Variants in MAPK10 observed in about 807,000 individuals in gnomAD.
The protein encoded by MAPK10 is mitogen-activated protein kinase 10, also known as JNK3 alpha protein kinase.
In MAPK10, 25 loss-of-function variants were observed where a neutral mutation model predicts 59.3. That is an observed-to-expected ratio of 0.42 (90% CI 0.31 to 0.59). The LOEUF is 0.59. Ranked by LOEUF, MAPK10 falls within the 20% of genes least tolerant of loss-of-function variation. The pLI is 0.15. For synonymous variants in MAPK10, 190 were observed against 200.5 expected (o/e 0.95, Z 0.44); for missense variants, 351 against 568.9 (o/e 0.62, Z 3.90).
intron 4 of MAPK10, chr4:86,127,786 C>T (rs1171551305): frequency 6.6e-6 from 1 of 152,068 alleles, no homozygotes; most frequent in Non-Finnish European, 1.5e-5. Flanking sequence ...ACTGCATTTT[C>T]TTCCACCAGT....
chr4:86,260,117 C>T (rs2093927094), intron 2 of MAPK10, among the ~76,000 whole-genome samples: 1 of 152,026 alleles, frequency 6.6e-6, no homozygotes. Flanking sequence ...CAAGCACTAT[C>T]ATTTTCCCCA....
Position 86,224,398 on chromosome 4 carries a change from T to C in MAPK10, c.-6-29991A>G, listed in dbSNP as rs185126159. 7.2e-5 allele frequency among the ~76,000 whole-genome samples: 11 copies of C among 152,310 alleles called. No homozygotes were observed. In the East Asian group the frequency reaches 1.9e-3, roughly 27 times the overall value. On this transcript the variant is annotated intron_variant, in intron 2 of 13. Coordinates refer to ENST00000641462, the MANE Select transcript of MAPK10 (RefSeq NM_138982.4). ...CAGAAATATTAAGGAAGTGATATAT[T>C]AACTGAAAGCTTAAGAATGAGTAGA...
intron 11 of MAPK10, among the ~76,000 whole-genome samples, chr4:86,051,091 C>A (rs192159395): frequency 6.6e-6 from 1 of 152,226 alleles, no homozygotes; most frequent in Admixed American, 6.6e-5. Flanking sequence ...ACATTATATT[C>A]TCTTTCACAA....
chr4:86,406,558 A>C (rs1416409484), intron 1 of MAPK10, among the ~76,000 whole-genome samples: 1 of 152,188 alleles, frequency 6.6e-6, no homozygotes, highest in Non-Finnish European at 1.5e-5. Flanking sequence ...TTAAAAAAGG[A>C]CTGAATTCAA....
At chr4:86,306,868 C>T (rs553855087) in intron 2 of MAPK10, among the ~76,000 whole-genome samples, 3 of 152,226 alleles carry the variant, frequency 2.0e-5, no homozygotes, top group South Asian at 2.1e-4. Flanking sequence ...AATTACTCTC[C>T]GTGTGCCCAC....
At chr4:86,060,179 G>A (rs186750787) in intron 11 of MAPK10, among the ~76,000 whole-genome samples, 1 of 152,228 alleles carries the variant, frequency 6.6e-6, no homozygotes, top group East Asian at 1.9e-4. Context: ...CAAGAATTGA[G>A]GAATCATGAA....
chr4:86,200,168 T>A (rs111771166), intron 2 of MAPK10, among the ~76,000 whole-genome samples: 2,614 of 152,138 alleles, frequency 0.017, 99 homozygotes, highest in African/African-American at 0.059. Flanking sequence ...AATGTTTTAA[T>A]TTTTTAACAA....
chr4:86,439,708 C>A (rs1749191205), intron 1 of MAPK10, among the ~76,000 whole-genome samples: 1 of 152,116 alleles, frequency 6.6e-6, no homozygotes, highest in South Asian at 2.1e-4. Flanking sequence ...TTATTCCTAC[C>A]AGCAACGTGT....
intron 1 of MAPK10, among the ~76,000 whole-genome samples, chr4:86,414,863 C>G (rs1265394862): frequency 2.0e-5 from 3 of 152,122 alleles, no homozygotes; most frequent in Non-Finnish European, 4.4e-5. Flanking sequence ...GGTTCTAGAA[C>G]AGCTGGGGGT....
At chr4:86,287,632 A>C (rs2095065172) in intron 2 of MAPK10, among the ~76,000 whole-genome samples, 2 of 152,268 alleles carry the variant, frequency 1.3e-5, no homozygotes, top group South Asian at 4.2e-4. Context: ...TTCATTGTTA[A>C]AATGCTTACA....
intron 2 of MAPK10, chr4:86,321,972 CAAG>C (rs1391098655): frequency 2.6e-5 from 4 of 151,834 alleles, no homozygotes; most frequent in Non-Finnish European, 4.4e-5. Context: ...GCTGGGGTTA[CAAG>C]AATAAGCCGC....
Position 86,559,810 on chromosome 4 carries a change from G to A in MAPK10, c.-263+34100C>T, listed in dbSNP as rs1484855679. 5.9e-5 allele frequency among the ~76,000 whole-genome samples: 9 copies of A among 151,946 alleles called. No individual in the cohort carries two copies. In the South Asian group the frequency reaches 1.7e-3, roughly 28 times the overall value. On this transcript the variant is annotated intron_variant, in intron 1 of 4. Coordinates refer to the MAPK10 transcript ENST00000502302. ...AAAAATTAGCTGGGTGTGGTGGCAC[G>A]TGTCTGTAATCCCAGCTACTGGGGA...
At chr4:86,416,093 T>C (rs1041713365) in intron 1 of MAPK10, among the ~76,000 whole-genome samples, 2 of 152,192 alleles carry the variant, frequency 1.3e-5, no homozygotes, top group African/African-American at 2.4e-5. Context: ...CTTTAGGAGA[T>C]GGGGCCTCTA....
At chr4:86,403,873 G>A (rs1010420437) in intron 1 of MAPK10, among the ~76,000 whole-genome samples, 3 of 152,048 alleles carry the variant, frequency 2.0e-5, no homozygotes, top group Non-Finnish European at 2.9e-5. Context: ...ATAAGATTTC[G>A]GTAGGGACAC....
At chr4:86,181,819 A>G (rs1158994982) in intron 3 of MAPK10, among the ~76,000 whole-genome samples, 1 of 152,142 alleles carries the variant, frequency 6.6e-6, no homozygotes, top group East Asian at 1.9e-4. Context: ...TGTAGACACC[A>G]GAGAGTGTGT....
chr4:86,423,760 G>GATAT lies in MAPK10; in HGVS notation c.-122+29266_-122+29269dup, dbSNP rs772650050. ...AGGGCTGCATATAAGTAATTAGTGGGATATATATACATATATATATATATA... is the reference window on the plus strand; with the variant it reads ...AGGGCTGCATATAAGTAATTAGTGGGATATATATATATACATATATATATATATA... On this transcript the variant is annotated intron_variant, in intron 1 of 13. Coordinates refer to the MAPK10 transcript ENST00000361569. Among the ~76,000 whole-genome samples, 320 of 117,080 alleles carry GATAT rather than the reference G, an allele frequency of 2.7e-3. 8 individuals carry two copies. The highest frequency in any genetic ancestry group is 9.3e-3 in the African/African-American group (266 of 28,670). The allele number at this position is 117,080 out of a possible 152,430, so 76.8% of individuals were successfully genotyped here. A position where few individuals can be genotyped will look rare whatever the true frequency, so the allele number is the denominator to read the frequency against.
At chr4:86,196,162 T>G (rs1256128566) in intron 2 of MAPK10, among the ~76,000 whole-genome samples, 1 of 152,226 alleles carries the variant, frequency 6.6e-6, no homozygotes, top group East Asian at 1.9e-4. Flanking sequence ...CCACAATGGT[T>G]GCACTAATTT....
intron 3 of MAPK10, among the ~76,000 whole-genome samples, chr4:86,178,165 C>G (rs1007381708): frequency 3.3e-5 from 5 of 152,032 alleles, no homozygotes; most frequent in Admixed American, 6.6e-5. Context: ...AAACCTTTTT[C>G]CCCCTACTGG....
intron 1 of MAPK10, among the ~76,000 whole-genome samples, chr4:86,434,991 C>T (rs1748523328): frequency 6.6e-6 from 1 of 152,106 alleles, no homozygotes; most frequent in Admixed American, 6.5e-5. Context: ...TCATTTGCAG[C>T]AACATGGACG....
Sources: gnomAD v4.1 joint callset for allele counts (sites outside exome capture counted in the v4.1 genomes callset) on GRCh38, gnomAD v4.1.1 for gene constraint, MANE v1.5 for transcripts, NCBI Gene and HGNC (gene_info 2026-07-23, HGNC 2026-07-21) for gene names.